Variants in RIPOR3 observed in about 807,000 individuals in gnomAD.
RIPOR3 encodes family with sequence similarity 65 member C.
In RIPOR3, 95 loss-of-function variants were observed where a neutral mutation model predicts 114.3. That is an observed-to-expected ratio of 0.83 (90% CI 0.70 to 0.99). RIPOR3 has a LOEUF of 0.99. Among genes scored for constraint, RIPOR3 ranks in the 50% least tolerant of loss-of-function variants. The probability of loss-of-function intolerance (pLI) is 0.00; values close to 1 mark genes in which losing one functional copy is unlikely to be tolerated. For missense variants in RIPOR3, 1,252 were observed against 1,266.9 expected (o/e 0.99, Z 0.18); for synonymous variants, 575 against 543.8 (o/e 1.06, Z -0.80).
intron 11 of RIPOR3, among the ~76,000 whole-genome samples, chr20:50,605,710 G>A (rs894833668): frequency 6.6e-6 from 1 of 151,902 alleles, no homozygotes; most frequent in Admixed American, 6.6e-5. Flanking sequence ...CCTGGGAGGT[G>A]GAGGCTGCAG....
At chr20:50,628,609 C>A (rs1044073286) in intron 2 of RIPOR3, among the ~76,000 whole-genome samples, 1 of 152,164 alleles carries the variant, frequency 6.6e-6, no homozygotes, top group African/African-American at 2.4e-5. Flanking sequence ...GTGCCCTCCC[C>A]CACCCCCAGT....
intron 1 of RIPOR3, among the ~76,000 whole-genome samples, chr20:50,645,196 G>A (rs2085358206): frequency 6.6e-6 from 1 of 152,172 alleles, no homozygotes; most frequent in South Asian, 2.1e-4. Flanking sequence ...CAGCTCCAGA[G>A]AGGCCTTGTT....
rs545449966 is a variant in RIPOR3 at position 50,609,297 on chromosome 20, C to T, written c.636G>A (p.Met212Ile). The change falls in exon 8 of 22, where the codon ATG becomes ATA. Residue 212 changes from methionine (M) to isoleucine (I), a missense_variant. Transcript: ENST00000327979. ...EVHLGEFHIR[M>I]KGLVGYARLC... ...ACCCCCTCTCAGCCCTGTTACCTTT[C>T]ATCCTGATGTGGAACTCGCCCAGGT... 1.2e-6 allele frequency: 2 copies of T among 1,613,930 alleles called. No homozygotes were observed. Among genetic ancestry groups the T allele is most frequent in the Admixed American group, 3.3e-5 (2 of 60,008 alleles).
intron 17 of RIPOR3, among the ~76,000 whole-genome samples, chr20:50,594,121 A>AT (rs2083204895): frequency 6.6e-6 from 1 of 151,964 alleles, no homozygotes; most frequent in Non-Finnish European, 1.5e-5. Context: ...ATACAAAAAA[A>AT]GAAAATTAGC....
At chr20:50,646,201 C>G (rs1477053950) in intron 1 of RIPOR3, among the ~76,000 whole-genome samples, 1 of 152,108 alleles carries the variant, frequency 6.6e-6, no homozygotes, top group Non-Finnish European at 1.5e-5. Flanking sequence ...GGTCACAGCT[C>G]ACTGCAACCT....
At chr20:50,660,590 C>T (rs764750543) in intron 1 of RIPOR3, among the ~76,000 whole-genome samples, 10 of 152,084 alleles carry the variant, frequency 6.6e-5, no homozygotes, top group Non-Finnish European at 1.0e-4. Flanking sequence ...CACTAGGCCC[C>T]GCCTCCCAAC....
chr20:50,652,976 T>G (rs1258537538), intron 1 of RIPOR3, among the ~76,000 whole-genome samples: 2 of 152,234 alleles, frequency 1.3e-5, no homozygotes, highest in Non-Finnish European at 2.9e-5. Context: ...AAGAGGAATG[T>G]TAACATATGT....
intron 19 of RIPOR3, among the ~76,000 whole-genome samples, chr20:50,590,670 C>T (rs570551976): frequency 2.0e-5 from 3 of 152,316 alleles, no homozygotes; most frequent in Middle Eastern, 6.8e-3. Flanking sequence ...TCACACTGCC[C>T]ACTGCCTCTA....
intron 1 of RIPOR3, among the ~76,000 whole-genome samples, chr20:50,635,009 G>A (rs1398259088): frequency 1.3e-5 from 2 of 152,338 alleles, no homozygotes; most frequent in East Asian, 1.9e-4. Context: ...CTCCAGCCTG[G>A]ACAACAGAGC....
intron 2 of RIPOR3, among the ~76,000 whole-genome samples, chr20:50,625,036 C>G (rs962063681): frequency 6.6e-6 from 1 of 151,870 alleles, no homozygotes; most frequent in Non-Finnish European, 1.5e-5. Context: ...GCACTCGGCA[C>G]TTGCCAAGCT....
intron 19 of RIPOR3, among the ~76,000 whole-genome samples, chr20:50,590,373 C>T (rs2083070975): frequency 6.6e-6 from 1 of 152,234 alleles, no homozygotes; most frequent in South Asian, 2.1e-4. Flanking sequence ...GCAGTGGAGT[C>T]CAGCGTCTGC....
chr20:50,608,869 C>T (rs943966019), intron 9 of RIPOR3, 43 bp downstream of exon 9: 1 of 1,603,028 alleles, frequency 6.2e-7, no homozygotes, highest in Non-Finnish European at 8.5e-7. Flanking sequence ...CCCCAAAGAC[C>T]TGGCGGGGAG....
chr20:50,659,793 T>C (rs1431042453), intron 1 of RIPOR3: 1 of 152,186 alleles, frequency 6.6e-6, no homozygotes, highest in African/African-American at 2.4e-5. Flanking sequence ...AGCTGAGTCC[T>C]GACTTCTCTG....
intron 1 of RIPOR3, among the ~76,000 whole-genome samples, chr20:50,665,336 A>T (rs1220571643): frequency 2.0e-5 from 3 of 147,534 alleles, no homozygotes; most frequent in African/African-American, 7.5e-5. Context: ...GGTCCCAGCT[A>T]CTCAGGAGGC....
chr20:50,623,947 C>T (rs966896529), intron 2 of RIPOR3, among the ~76,000 whole-genome samples: 1 of 152,250 alleles, frequency 6.6e-6, no homozygotes, highest in Non-Finnish European at 1.5e-5. Context: ...AGCGATTCTC[C>T]TGCCTCAGCC....
rs377109329 is a variant in RIPOR3, at chr20:50,594,631, C to T, written c.2134G>A (p.Ala712Thr). The T allele has an allele frequency of 6.2e-7, 1 of 1,613,808 alleles. No homozygotes were observed. Among genetic ancestry groups the T allele is most frequent in the Non-Finnish European group, 8.5e-7 (1 of 1,179,962 alleles). Residue 712 changes from alanine to threonine, a missense_variant, in exon 17 of 22, where the codon GCC becomes ACC. By Grantham distance (58) the Ala-to-Thr change is moderately conservative. Transcript: ENST00000327979. ...TGPGRVLSCPATTLLNQLKKT... is the reference protein window; with the variant it reads ...TGPGRVLSCPTTTLLNQLKKT... ...TTGAGCTGGTTCAGCAGCGTCGTGG[C>T]AGGGCAGGACAGGACCCTGCCAGGC... is the stretch of plus-strand genomic sequence containing the variant.
intron 1 of RIPOR3, among the ~76,000 whole-genome samples, chr20:50,681,652 G>C (rs533522759): frequency 6.6e-6 from 1 of 152,336 alleles, no homozygotes; most frequent in South Asian, 2.1e-4. Flanking sequence ...TATCTGTAAA[G>C]TGCATGCAAC....
At chr20:50,641,759 G>A (rs1169514178) in intron 1 of RIPOR3, among the ~76,000 whole-genome samples, 2 of 152,216 alleles carry the variant, frequency 1.3e-5, no homozygotes, top group Non-Finnish European at 2.9e-5. Flanking sequence ...GAAACTGAGG[G>A]TTTTATCTCC....
chr20:50,666,187 C>CTTTTCTTTTCTTTTCT (rs1568944377), intron 1 of RIPOR3, among the ~76,000 whole-genome samples: 1 of 82,558 alleles, frequency 1.2e-5, no homozygotes. Context: ...ACACCCATTT[C>CTTTTCTTTTCTTTTCT]TTTTCTTTTC....
Sources: gnomAD v4.1 joint callset for allele counts (sites outside exome capture counted in the v4.1 genomes callset) on GRCh38, gnomAD v4.1.1 for gene constraint, MANE v1.5 for transcripts, NCBI Gene and HGNC (gene_info 2026-07-23, HGNC 2026-07-21) for gene names.